The following SLC24A2 variants were observed in gnomAD, a reference collection of about 807,000 sequenced individuals.
The protein encoded by SLC24A2 is solute carrier family 24 member 2, also known as sodium/potassium/calcium exchanger 2.
A neutral mutation model predicts 62.0 loss-of-function variants in SLC24A2; 36 were observed. The observed-to-expected ratio is 0.58, with a 90% confidence interval of 0.44 to 0.77. SLC24A2 has a LOEUF of 0.77. Ranked by LOEUF, SLC24A2 falls within the 30% of genes least tolerant of loss-of-function variation. SLC24A2 has a pLI of 0.00. For missense variants in SLC24A2, 846 were observed against 817.9 expected, an observed-to-expected ratio of 1.03 and a Z score of -0.42; for synonymous variants, 358 against 294.0, an observed-to-expected ratio of 1.22 and a Z score of -2.23.
chr9:19,944,224 A>C, the SLC24A2 span, among the ~76,000 whole-genome samples: 3 of 152,188 alleles, frequency 2.0e-5, no homozygotes, highest in Non-Finnish European at 4.4e-5. Context: ...TTCTTTAAGT[A>C]ATCAAAGCAG....
intron 2 of SLC24A2, among the ~76,000 whole-genome samples, chr9:19,712,503 A>G (rs1337517363): frequency 6.6e-6 from 1 of 152,048 alleles, no homozygotes; most frequent in Non-Finnish European, 1.5e-5. Flanking sequence ...CTCCTTGGGG[A>G]GTTTGGAATA....
intron 2 of SLC24A2, among the ~76,000 whole-genome samples, chr9:19,696,811 GCTTT>G (rs1456166645): frequency 1.3e-5 from 2 of 151,982 alleles, no homozygotes; most frequent in African/African-American, 4.8e-5. Flanking sequence ...AAATGTATGG[GCTTT>G]CTTTAAAACA....
the SLC24A2 span, chr9:19,928,041 C>T: frequency 7.2e-5 from 11 of 152,508 alleles, no homozygotes; most frequent in African/African-American, 2.4e-4. Flanking sequence ...ACTCCTGGAG[C>T]TGGCCCCACA....
intron 2 of SLC24A2, among the ~76,000 whole-genome samples, chr9:19,735,582 C>T (rs145789160): frequency 1.3e-3 from 205 of 152,242 alleles, no homozygotes; most frequent in African/African-American, 4.5e-3. Flanking sequence ...GCACTATTCA[C>T]GACAGCAAAG....
At chr9:20,040,576 A>G in the SLC24A2 span, among the ~76,000 whole-genome samples, 1 of 152,224 alleles carries the variant, frequency 6.6e-6, no homozygotes, top group Admixed American at 6.5e-5. Flanking sequence ...AAGGGCAGGA[A>G]TCTGAGTTCC....
intron 4 of SLC24A2, among the ~76,000 whole-genome samples, chr9:19,610,435 T>G (rs572852428): frequency 1.3e-5 from 2 of 152,084 alleles, no homozygotes; most frequent in South Asian, 4.2e-4. Context: ...AAATTAGGCC[T>G]GGGGAATGTA....
At chr9:20,173,439 C>A in the SLC24A2 span, among the ~76,000 whole-genome samples, 116 of 152,130 alleles carry the variant, frequency 7.6e-4, no homozygotes, top group African/African-American at 2.7e-3. Context: ...ACCCTAAAGA[C>A]TCCTCCAAAA....
At chr9:20,259,487 C>T in the SLC24A2 span, among the ~76,000 whole-genome samples, 762 of 152,220 alleles carry the variant, frequency 5.0e-3, 6 homozygotes, top group African/African-American at 0.018. Context: ...ACTCGCCCTA[C>T]CCTGCCCAGC....
chr9:20,108,418 A>G, the SLC24A2 span, among the ~76,000 whole-genome samples: 1 of 152,192 alleles, frequency 6.6e-6, no homozygotes, highest in East Asian at 1.9e-4. Context: ...TTGCGGCACT[A>G]TTCACAATAG....
chr9:20,160,796 A>G, the SLC24A2 span, among the ~76,000 whole-genome samples: 2 of 151,150 alleles, frequency 1.3e-5, no homozygotes, highest in Non-Finnish European at 3.0e-5. Flanking sequence ...AACATCTTGA[A>G]TAATACAAAT....
chr9:19,837,671 A>G, the SLC24A2 span, among the ~76,000 whole-genome samples: 2 of 152,058 alleles, frequency 1.3e-5, no homozygotes, highest in Non-Finnish European at 2.9e-5. Flanking sequence ...AGAAAACCCC[A>G]TCGTCTCAGC....
At chr9:20,055,453 G>C in the SLC24A2 span, among the ~76,000 whole-genome samples, 2 of 152,070 alleles carry the variant, frequency 1.3e-5, no homozygotes, top group Non-Finnish European at 2.9e-5. Context: ...CATGACAACT[G>C]TTTAGTAGGG....
chr9:19,823,107 C>G, the SLC24A2 span, among the ~76,000 whole-genome samples: 1 of 152,138 alleles, frequency 6.6e-6, no homozygotes, highest in Admixed American at 6.5e-5. Flanking sequence ...TCTGCCATAC[C>G]ACTTATTAGC....
the SLC24A2 span, among the ~76,000 whole-genome samples, chr9:20,085,255 T>C: frequency 2.0e-5 from 3 of 152,184 alleles, no homozygotes. Flanking sequence ...TGCCTCAGCC[T>C]CCCAAAATGC....
chr9:20,166,762 A>G, the SLC24A2 span, among the ~76,000 whole-genome samples: 53 of 152,008 alleles, frequency 3.5e-4, no homozygotes, highest in African/African-American at 1.3e-3. Context: ...GAAATGTGTT[A>G]CTGTCCTTCA....
the SLC24A2 span, among the ~76,000 whole-genome samples, chr9:20,244,424 C>T: frequency 6.6e-6 from 1 of 152,116 alleles, no homozygotes; most frequent in African/African-American, 2.4e-5. Context: ...TGGCCCTCAC[C>T]CCCAGGCCAG....
At chr9:19,949,740 A>G in the SLC24A2 span, among the ~76,000 whole-genome samples, 1 of 152,206 alleles carries the variant, frequency 6.6e-6, no homozygotes, top group Admixed American at 6.5e-5. Flanking sequence ...TGGAACATAG[A>G]CATGGTGGTG....
the SLC24A2 span, among the ~76,000 whole-genome samples, chr9:19,846,791 C>A: frequency 8.6e-5 from 13 of 152,024 alleles, no homozygotes; most frequent in African/African-American, 3.1e-4. Context: ...CTTTGGGAGG[C>A]TGAGGCAGGA....
At chr9:19,902,985 C>G in the SLC24A2 span, among the ~76,000 whole-genome samples, 37 of 151,826 alleles carry the variant, frequency 2.4e-4, no homozygotes, top group African/African-American at 8.7e-4. Context: ...CAGATCCTAC[C>G]TAGGAAAAAG....
Sources: allele counts gnomAD v4.1 joint callset (sites outside exome capture counted in the v4.1 genomes callset), GRCh38; gene constraint gnomAD v4.1.1; transcripts MANE v1.5; gene names NCBI Gene and HGNC (gene_info 2026-07-23, HGNC 2026-07-21).